The following GABRG3 variants were observed in gnomAD, a reference collection of about 807,000 sequenced individuals.
GABRG3 encodes the protein gamma-aminobutyric acid type A receptor subunit gamma3.
In GABRG3, 25 loss-of-function variants were observed where a neutral mutation model predicts 48.8. The observed-to-expected ratio is 0.51, with a 90% CI of 0.37 to 0.72. The LOEUF is 0.72. Among genes scored for constraint, GABRG3 ranks in the 30% least tolerant of loss-of-function variants. The probability of loss-of-function intolerance (pLI) is 0.00; values close to 1 mark genes in which losing one functional copy is unlikely to be tolerated. For missense variants in GABRG3, 394 were observed against 577.9 expected (o/e 0.68, Z 3.26); for synonymous variants, 227 against 217.6 (o/e 1.04, Z -0.38).
chr15:27,139,573 A>G (rs1898068530), intron 3 of GABRG3, among the ~76,000 whole-genome samples: 1 of 152,160 alleles, frequency 6.6e-6, no homozygotes, highest in African/African-American at 2.4e-5. Flanking sequence ...TCAAGTTGAC[A>G]CCTAAAATTA....
intron 3 of GABRG3, among the ~76,000 whole-genome samples, chr15:27,316,511 G>A (rs74004977): frequency 0.047 from 7,135 of 152,076 alleles, 497 homozygotes; most frequent in African/African-American, 0.16. Flanking sequence ...ACCTCACAAG[G>A]TCATTGGTCA....
chr15:27,031,041 T>G (rs188060688), intron 3 of GABRG3, among the ~76,000 whole-genome samples: 16 of 144,598 alleles, frequency 1.1e-4, no homozygotes, highest in Admixed American at 3.6e-4. Flanking sequence ...TTCCCCTATA[T>G]ATTTTCCTCT....
At chr15:27,214,034 C>G (rs1301199916) in intron 3 of GABRG3, among the ~76,000 whole-genome samples, 3 of 152,190 alleles carry the variant, frequency 2.0e-5, no homozygotes, top group Non-Finnish European at 4.4e-5. Flanking sequence ...GGTAAAATCA[C>G]AGACTTTGGC....
chr15:27,158,244 A>T (rs1366085618), intron 3 of GABRG3: 1 of 152,190 alleles, frequency 6.6e-6, no homozygotes, highest in Non-Finnish European at 1.5e-5. Context: ...GGACAGAGAA[A>T]TAGGAGGAAG....
chr15:27,190,239 A>G (rs1445401718), intron 3 of GABRG3, among the ~76,000 whole-genome samples: 1 of 152,226 alleles, frequency 6.6e-6, no homozygotes, highest in African/African-American at 2.4e-5. Flanking sequence ...TGCTGGCTTC[A>G]TCAAATGAGT....
intron 3 of GABRG3, among the ~76,000 whole-genome samples, chr15:27,268,466 A>G (rs1304600613): frequency 6.6e-6 from 1 of 151,118 alleles, no homozygotes; most frequent in Non-Finnish European, 1.5e-5. Context: ...ATTAATCTCA[A>G]ATAACCAGCT....
At chr15:27,062,544 G>A (rs1277247309) in intron 3 of GABRG3, among the ~76,000 whole-genome samples, 2 of 151,878 alleles carry the variant, frequency 1.3e-5, no homozygotes, top group African/African-American at 4.8e-5. Context: ...GGAGGCAGAG[G>A]TTGCAGTGAG....
rs569442839 is a variant in GABRG3, at chr15:27,040,454, C to T, written c.270+13633C>T. Among the ~76,000 whole-genome samples the T allele has an allele frequency of 3.0e-4, 45 of 152,310 alleles. No homozygotes were observed. The South Asian group carries it at 8.9e-3, about 30-fold the overall frequency. On this transcript the variant is annotated intron_variant, in intron 3 of 9. Coordinates refer to ENST00000615808, the MANE Select transcript of GABRG3 (RefSeq NM_033223.5). ...GTGGGGAAATACACACATGGGTTGG[C>T]CTCTCTGGTCTCATCCAAGATGAAT...
At chr15:27,516,396 C>T (rs1479612505) in intron 6 of GABRG3, among the ~76,000 whole-genome samples, 1 of 152,156 alleles carries the variant, frequency 6.6e-6, no homozygotes, top group Admixed American at 6.5e-5. Flanking sequence ...TGTTTCCAAG[C>T]CAGATTACCT....
At chr15:27,014,345 A>C (rs1257000300) in intron 2 of GABRG3, among the ~76,000 whole-genome samples, 2 of 123,614 alleles carry the variant, frequency 1.6e-5, no homozygotes, top group South Asian at 2.5e-4. Context: ...ACATTTCTTT[A>C]TTTTTTTTTT....
intron 3 of GABRG3, among the ~76,000 whole-genome samples, chr15:27,174,151 C>T (rs1483589631): frequency 1.3e-5 from 2 of 152,178 alleles, no homozygotes; most frequent in Non-Finnish European, 2.9e-5. Context: ...CAGCATTTCT[C>T]TGGCATCATG....
chr15:26,977,261 G>A (rs1267723965), intron 2 of GABRG3, 111 bp downstream of exon 2: 2 of 1,149,808 alleles, frequency 1.7e-6, no homozygotes, highest in African/African-American at 1.6e-5. Context: ...GTGCAGAAAG[G>A]TTTCCTGTAC....
chr15:27,097,317 C>T (rs1010379638), intron 3 of GABRG3, among the ~76,000 whole-genome samples: 1 of 151,954 alleles, frequency 6.6e-6, no homozygotes, highest in African/African-American at 2.4e-5. Flanking sequence ...CTCCTGGGGA[C>T]CCTGGGTACT....
intron 3 of GABRG3, among the ~76,000 whole-genome samples, chr15:27,266,160 G>A (rs554617852): frequency 9.3e-5 from 14 of 150,860 alleles, no homozygotes; most frequent in Non-Finnish European, 1.8e-4. Context: ...GATTACAGGC[G>A]TGAGCCATCA....
intron 3 of GABRG3, among the ~76,000 whole-genome samples, chr15:27,287,724 T>A (rs1248512157): frequency 6.6e-6 from 1 of 151,176 alleles, no homozygotes; most frequent in South Asian, 2.1e-4. Context: ...TCATTCAAGA[T>A]GATTTGCTGT....
At chr15:27,156,115 C>T (rs955490144) in intron 3 of GABRG3, among the ~76,000 whole-genome samples, 6 of 151,618 alleles carry the variant, frequency 4.0e-5, no homozygotes, top group Admixed American at 6.6e-5. Flanking sequence ...CTGGCTAACA[C>T]GGTGAAACCC....
chr15:27,145,197 C>T (rs1898176705), intron 3 of GABRG3, among the ~76,000 whole-genome samples: 1 of 151,964 alleles, frequency 6.6e-6, no homozygotes, highest in Non-Finnish European at 1.5e-5. Context: ...TAGAAACTGT[C>T]CATGAGGAAG....
intron 3 of GABRG3, among the ~76,000 whole-genome samples, chr15:27,184,778 T>C (rs1888040434): frequency 6.6e-6 from 1 of 152,184 alleles, no homozygotes; most frequent in African/African-American, 2.4e-5. Context: ...TTTGTGGATT[T>C]TGAAGAACTG....
intron 6 of GABRG3, among the ~76,000 whole-genome samples, chr15:27,501,142 A>C (rs187453635): frequency 6.6e-6 from 1 of 151,932 alleles, no homozygotes; most frequent in South Asian, 2.1e-4. Context: ...TAGTAGAGAC[A>C]GGGTTTCACC....
Sources: gnomAD v4.1 joint callset for allele counts (sites outside exome capture counted in the v4.1 genomes callset) on GRCh38, gnomAD v4.1.1 for gene constraint, MANE v1.5 for transcripts, NCBI Gene and HGNC (gene_info 2026-07-23, HGNC 2026-07-21) for gene names.